The following AOAH variants were observed in gnomAD, a reference collection of about 807,000 sequenced individuals.
AOAH encodes acyloxyacyl hydrolase, also known as acyloxyacyl hydrolase (neutrophil).
AOAH carries 64 observed loss-of-function variants against 92.2 expected under a neutral mutation model. The ratio of observed to expected loss-of-function variants is 0.69; its 90% CI spans 0.57 to 0.86. AOAH has a LOEUF of 0.86. Among genes scored for constraint, AOAH ranks in the 40% least tolerant of loss-of-function variants. AOAH has a pLI of 0.00. For synonymous variants in AOAH, 263 were observed against 254.5 expected (o/e 1.03, Z -0.32); for missense variants, 656 against 694.6 (o/e 0.94, Z 0.62).
rs1791746578 is a variant in AOAH, at chr7:36,614,910, TG to T, written c.846+1469del. 1.3e-5 allele frequency among the ~76,000 whole-genome samples: 2 copies of T among 152,168 alleles called. No individual in the cohort carries two copies. Among genetic ancestry groups the T allele is most frequent in the African/African-American group, 4.8e-5 (2 of 41,430 alleles). On this transcript the variant is annotated intron_variant, in intron 11 of 20. Coordinates refer to ENST00000617537, the MANE Select transcript of AOAH (RefSeq NM_001637.4). This position sits in a 1 kb window ranked among gnomAD's most constrained non-coding sequence, Gnocchi z 4.2. ...GGGAAGGAGAGATTCCTGGCTTACC[TG>T]GGGACCCATGGAACACTGGCAGGAG...
At chr7:36,700,572 CAAT>C (rs1223632341) in intron 1 of AOAH, among the ~76,000 whole-genome samples, 1 of 151,998 alleles carries the variant, frequency 6.6e-6, no homozygotes, top group African/African-American at 2.4e-5. Context: ...ATACTTTATC[CAAT>C]GATCCATTGA....
chr7:36,593,769 C>G (rs926109377), intron 12 of AOAH, among the ~76,000 whole-genome samples: 2 of 152,192 alleles, frequency 1.3e-5, no homozygotes, highest in African/African-American at 4.8e-5. Flanking sequence ...TGGCCATAGA[C>G]TCATATCTGT....
chr7:36,708,150 C>CCCTTTG (rs1798546641), intron 1 of AOAH, among the ~76,000 whole-genome samples: 1 of 151,272 alleles, frequency 6.6e-6, no homozygotes. Flanking sequence ...TTTTGCTCCT[C>CCCTTTG]CTCTCCCGGA....
rs57628897 is a variant in AOAH, at chr7:36,523,629, G to GTTTTTTTTT, written c.1523-1523_1523-1515dup. Among the ~76,000 whole-genome samples the GTTTTTTTTT allele has an allele frequency of 9.1e-4, 91 of 100,132 alleles. 7 individuals are homozygous for GTTTTTTTTT. Among genetic ancestry groups the GTTTTTTTTT allele is most frequent in the African/African-American group, 2.5e-3 (61 of 24,690 alleles). The allele number at this position is 100,132 out of a possible 152,430, so 65.7% of individuals were successfully genotyped here. On this transcript the variant is annotated intron_variant, in intron 19 of 20. Coordinates refer to ENST00000617537, the MANE Select transcript of AOAH (RefSeq NM_001637.4). ...TCAGTTTGCCTGGCCTGTTTTGCCTGTTTTTTTTTTTTTTTTTTTTGGCAT... is the reference window on the plus strand; with the variant it reads ...TCAGTTTGCCTGGCCTGTTTTGCCTGTTTTTTTTTTTTTTTTTTTTTTTTTTTTTGGCAT...
chr7:36,706,115 C>A (rs1798391999), intron 1 of AOAH, among the ~76,000 whole-genome samples: 1 of 152,076 alleles, frequency 6.6e-6, no homozygotes, highest in South Asian at 2.1e-4. Context: ...ACTAAAACAC[C>A]AAAAGCAATG....
chr7:36,559,822 A>G (rs1036251440), intron 13 of AOAH, among the ~76,000 whole-genome samples: 12 of 152,194 alleles, frequency 7.9e-5, no homozygotes, highest in Admixed American at 2.0e-4. Flanking sequence ...ACCAATGTCT[A>G]GAATGGTGTT....
chr7:36,630,118 G>T (rs2116210894), intron 6 of AOAH, among the ~76,000 whole-genome samples: 1 of 152,334 alleles, frequency 6.6e-6, no homozygotes, highest in Non-Finnish European at 1.5e-5. Context: ...TGGAAGCTAG[G>T]GAGAGACAGA....
intron 20 of AOAH, among the ~76,000 whole-genome samples, chr7:36,520,968 C>G (rs1298532232): frequency 6.6e-6 from 1 of 152,172 alleles, no homozygotes; most frequent in African/African-American, 2.4e-5. Context: ...TGGGACGCCA[C>G]TTTTACTCAT....
intron 4 of AOAH, among the ~76,000 whole-genome samples, chr7:36,656,879 G>T (rs1244995808): frequency 1.4e-5 from 2 of 148,142 alleles, no homozygotes; most frequent in Non-Finnish European, 1.5e-5. Flanking sequence ...AAGAGGTTTG[G>T]TGGGGGGTGT....
chr7:36,686,695 T>C lies in AOAH; in HGVS notation c.223+4A>G. ...CTCAGCAGTATGACTCGTCCCATAT[T>C]TACCAGGCAGGTAGCTGCACAGTCT... On this transcript the variant is annotated splice_donor_region_variant and intron_variant, in intron 2 of 20. Coordinates refer to ENST00000617537, the MANE Select transcript of AOAH (RefSeq NM_001637.4). 6.6e-7 allele frequency: 1 copy of C among 1,517,706 alleles called. No individual in the cohort carries two copies. Among genetic ancestry groups the C allele is most frequent in the Non-Finnish European group, 8.8e-7 (1 of 1,130,824 alleles). 94.0% of individuals were successfully genotyped at this position (1,517,706 alleles called of 1,614,324 possible).
Position 36,614,356 on chromosome 7 carries a change from C to G in AOAH, c.846+2024G>C, listed in dbSNP as rs577369260. Among the ~76,000 whole-genome samples, 28 of 152,280 alleles carry G rather than the reference C, an allele frequency of 1.8e-4. No individual in the cohort carries two copies. In the South Asian group the frequency reaches 1.9e-3, roughly 10 times the overall value. ...TTTATGTGTGTGCAACCAGTGGGTC[C>G]CATGAGGTCCTTCGCTTAGAAAGGG... On this transcript the variant is annotated intron_variant, in intron 11 of 20. Coordinates refer to ENST00000617537, the MANE Select transcript of AOAH (RefSeq NM_001637.4). The surrounding 1 kb of genome is among the most constrained non-coding windows in gnomAD (Gnocchi z 4.2).
rs183182680 is a variant in AOAH, at chr7:36,679,902, C to T, written c.224-5893G>A. Among the ~76,000 whole-genome samples the T allele has an allele frequency of 1.4e-3, 211 of 152,256 alleles. 1 individual carries two copies. Among genetic ancestry groups the T allele is most frequent in the East Asian group, 1.7e-3 (9 of 5,182 alleles). ...TGATCTCTTGATCTTGTGATCCGCCCGCCTTGGCCTCCTAAAAGTGCTGGG... is the reference window on the plus strand; with the variant it reads ...TGATCTCTTGATCTTGTGATCCGCCTGCCTTGGCCTCCTAAAAGTGCTGGG... On this transcript the variant is annotated intron_variant, in intron 2 of 20. Transcript: ENST00000617537.
chr7:36,671,078 T>C lies in AOAH; in HGVS notation c.290+2865A>G, dbSNP rs183500649. On this transcript the variant is annotated intron_variant, in intron 3 of 20. Coordinates refer to ENST00000617537, the MANE Select transcript of AOAH (RefSeq NM_001637.4). The stretch of plus-strand genomic sequence containing the variant: ...TCTGGGACTTTTCAGCTTGCTGATC[T>C]GGTTCCCTGATCTAGGCTCCTACTA... Among the ~76,000 whole-genome samples, 41 of 152,360 alleles carry C rather than the reference T, an allele frequency of 2.7e-4. 1 individual carries two copies. Among genetic ancestry groups the C allele is most frequent in the African/African-American group, 8.9e-4 (37 of 41,594 alleles).
chr7:36,586,299 C>G (rs1789317516), intron 12 of AOAH, among the ~76,000 whole-genome samples: 1 of 152,144 alleles, frequency 6.6e-6, no homozygotes, highest in African/African-American at 2.4e-5. Context: ...CCTCCTGAAC[C>G]CATTCTTTCC....
intron 13 of AOAH, among the ~76,000 whole-genome samples, chr7:36,567,130 T>C (rs1787772771): frequency 6.6e-6 from 1 of 152,108 alleles, no homozygotes; most frequent in Admixed American, 6.5e-5. Flanking sequence ...AAAACTTAAA[T>C]AAATTTTCAC....
chr7:36,515,469 C>T (rs999653707), intron 20 of AOAH, among the ~76,000 whole-genome samples: 1 of 127,326 alleles, frequency 7.9e-6, no homozygotes, highest in Admixed American at 8.0e-5. Flanking sequence ...ACACCACACC[C>T]CTCACAACCC....
At chr7:36,656,217 G>T (rs1794879604) in intron 4 of AOAH, among the ~76,000 whole-genome samples, 2 of 152,302 alleles carry the variant, frequency 1.3e-5, no homozygotes, top group South Asian at 4.1e-4. Flanking sequence ...TACATGAAAT[G>T]ATGCTGTTCA....
intron 15 of AOAH, 127 bp from the exon 16 acceptor site, chr7:36,540,618 G>T: frequency 1.2e-6 from 1 of 841,882 alleles, no homozygotes; most frequent in Non-Finnish European, 1.8e-6. Context: ...GTGGTCATTG[G>T]AGCTATTTGC....
At chr7:36,617,247 A>ACCTT (rs1249278775) in intron 10 of AOAH, among the ~76,000 whole-genome samples, 7 of 152,174 alleles carry the variant, frequency 4.6e-5, no homozygotes, top group Non-Finnish European at 8.8e-5. Context: ...AGAAATGGGG[A>ACCTT]CTGAGAAGGC....
Sources: gnomAD v4.1 joint callset for allele counts (sites outside exome capture counted in the v4.1 genomes callset) on GRCh38, gnomAD v4.1.1 for gene constraint, Gnocchi (gnomAD v3.1) non-coding constraint, MANE v1.5 for transcripts, NCBI Gene and HGNC (gene_info 2026-07-23, HGNC 2026-07-21) for gene names.